The following NCKAP5 variants were observed in gnomAD, a reference collection of about 807,000 sequenced individuals.
The protein encoded by NCKAP5 is nck-associated protein 5.
Under a neutral mutation model 167.0 loss-of-function variants are expected in NCKAP5, and 92 were observed. That is an observed-to-expected ratio of 0.55 (90% CI 0.47 to 0.66). NCKAP5 has a LOEUF of 0.66. Among genes scored for constraint, NCKAP5 ranks in the 30% least tolerant of loss-of-function variants. The probability of loss-of-function intolerance (pLI) is 0.00; values close to 1 mark genes in which losing one functional copy is unlikely to be tolerated. For synonymous variants in NCKAP5, 891 were observed against 877.4 expected (o/e 1.02, Z -0.27); for missense variants, 2,378 against 2,315.0 (o/e 1.03, Z -0.56).
chr2:132,743,552 A>C (rs895614833), intron 16 of NCKAP5, among the ~76,000 whole-genome samples: 1 of 151,772 alleles, frequency 6.6e-6, no homozygotes, highest in African/African-American at 2.4e-5. Flanking sequence ...AGGTATAGCT[A>C]ATAAGTTACA....
rs1220827414 is a variant in NCKAP5, at chr2:133,537,746, T to A, written c.-61-20159A>T. Among the ~76,000 whole-genome samples the A allele has an allele frequency of 2.6e-5, 4 of 152,182 alleles. No individual in the cohort carries two copies. In the East Asian group the frequency reaches 7.7e-4, roughly 29 times the overall value. ...TAGTTTTATTTTTAAATCTTTTTAT[T>A]AAGTCATGAAAAGACTCATAGGGTT... On this transcript the variant is annotated intron_variant, in intron 2 of 19. Coordinates refer to ENST00000409261, the MANE Select transcript of NCKAP5 (RefSeq NM_207363.3).
chr2:133,620,434 C>G, the NCKAP5 span, among the ~76,000 whole-genome samples: 1 of 152,050 alleles, frequency 6.6e-6, no homozygotes, highest in South Asian at 2.1e-4. Context: ...AAAAGATAGT[C>G]CATGCAAATG....
chr2:132,953,915 G>A (rs541970388), intron 8 of NCKAP5, among the ~76,000 whole-genome samples: 47 of 152,268 alleles, frequency 3.1e-4, no homozygotes, highest in African/African-American at 1.1e-3. Context: ...GCTTTGATGG[G>A]ATGACTAGGA....
At chr2:132,839,003 T>C (rs2105409824) in intron 11 of NCKAP5, among the ~76,000 whole-genome samples, 1 of 152,336 alleles carries the variant, frequency 6.6e-6, no homozygotes, top group South Asian at 2.1e-4. Flanking sequence ...GCCATTTGGA[T>C]TTGCACTTCT....
chr2:133,617,213 A>T, the NCKAP5 span, among the ~76,000 whole-genome samples: 3 of 152,116 alleles, frequency 2.0e-5, no homozygotes, highest in African/African-American at 4.8e-5. Flanking sequence ...ATGGGCAAAA[A>T]CTGGAAGCAT....
chr2:133,521,362 C>T (rs146216655), intron 2 of NCKAP5, among the ~76,000 whole-genome samples: 193 of 152,338 alleles, frequency 1.3e-3, no homozygotes, highest in Non-Finnish European at 2.5e-3. Context: ...TATCAGTAGA[C>T]AATCTTTTGA....
At chr2:133,202,582 C>A (rs1264265931) in intron 5 of NCKAP5, among the ~76,000 whole-genome samples, 2 of 152,052 alleles carry the variant, frequency 1.3e-5, no homozygotes, top group African/African-American at 4.8e-5. Flanking sequence ...AAGGAAACTA[C>A]CATCAGAGTG....
intron 3 of NCKAP5, among the ~76,000 whole-genome samples, chr2:133,417,918 A>G (rs1451161618): frequency 6.6e-6 from 1 of 152,210 alleles, no homozygotes; most frequent in Non-Finnish European, 1.5e-5. Context: ...ACATAAGGAA[A>G]ACATTTCAAA....
At chr2:133,151,307 T>G (rs2083377002) in intron 5 of NCKAP5, among the ~76,000 whole-genome samples, 1 of 152,128 alleles carries the variant, frequency 6.6e-6, no homozygotes, top group South Asian at 2.1e-4. Flanking sequence ...TTCATTAAAA[T>G]GAAAAACCTT....
intron 5 of NCKAP5, among the ~76,000 whole-genome samples, chr2:133,162,341 G>A (rs936544302): frequency 2.6e-5 from 4 of 152,152 alleles, no homozygotes; most frequent in Admixed American, 6.5e-5. Context: ...GATCTATGTG[G>A]AAAAACATTT....
chr2:133,279,363 C>T (rs774102138), intron 4 of NCKAP5, among the ~76,000 whole-genome samples: 30 of 152,322 alleles, frequency 2.0e-4, no homozygotes, highest in Admixed American at 1.1e-3. Flanking sequence ...CATTGGGCTT[C>T]TACACCACTC....
At chr2:132,999,823 C>T (rs923075429) in intron 6 of NCKAP5, among the ~76,000 whole-genome samples, 1 of 152,124 alleles carries the variant, frequency 6.6e-6, no homozygotes, top group East Asian at 1.9e-4. Flanking sequence ...CCAAATTGTT[C>T]TTTTTCACCC....
chr2:133,115,807 A>ATT, intron 6 of NCKAP5, among the ~76,000 whole-genome samples: 1 of 92,520 alleles, frequency 1.1e-5, no homozygotes, highest in Non-Finnish European at 2.0e-5. Context: ...ATATATATAT[A>ATT]TATATATATA....
At chr2:133,467,848 G>A (rs1692720582) in intron 3 of NCKAP5, among the ~76,000 whole-genome samples, 1 of 135,172 alleles carries the variant, frequency 7.4e-6, no homozygotes, top group Non-Finnish European at 1.6e-5. Context: ...TGTGGGATTG[G>A]TGGTGATATC....
chr2:133,427,743 A>G (rs1170804065), intron 3 of NCKAP5, among the ~76,000 whole-genome samples: 3 of 152,164 alleles, frequency 2.0e-5, no homozygotes, highest in Non-Finnish European at 2.9e-5. Flanking sequence ...ATATAAAAAT[A>G]TGTTAGCATT....
intron 3 of NCKAP5, among the ~76,000 whole-genome samples, chr2:133,450,249 C>T (rs749193154): frequency 6.6e-5 from 10 of 152,304 alleles, no homozygotes; most frequent in Non-Finnish European, 1.2e-4. Flanking sequence ...TGTTATCCAT[C>T]CCTCAGGTAA....
intron 5 of NCKAP5, among the ~76,000 whole-genome samples, chr2:133,210,249 G>A (rs1285219098): frequency 6.7e-6 from 1 of 148,660 alleles, no homozygotes. Context: ...TGCTGCTTTG[G>A]GACTATCTTA....
intron 2 of NCKAP5, among the ~76,000 whole-genome samples, chr2:133,550,073 A>G (rs1170142793): frequency 1.3e-5 from 2 of 151,548 alleles, no homozygotes; most frequent in Non-Finnish European, 2.9e-5. Flanking sequence ...TGAATAGACC[A>G]ATAACAGGAG....
chr2:133,362,240 C>T (rs764436646), intron 3 of NCKAP5, among the ~76,000 whole-genome samples: 1 of 152,098 alleles, frequency 6.6e-6, no homozygotes, highest in Non-Finnish European at 1.5e-5. Flanking sequence ...AAACGATCAC[C>T]GTGTTGAAAA....
Sources: allele counts gnomAD v4.1 joint callset (sites outside exome capture counted in the v4.1 genomes callset), GRCh38; gene constraint gnomAD v4.1.1; transcripts MANE v1.5; gene names NCBI Gene and HGNC (gene_info 2026-07-23, HGNC 2026-07-21).